The following SMYD3 variants were observed in gnomAD, a reference collection of about 807,000 sequenced individuals.
SMYD3 encodes SET and MYND domain containing 3.
A neutral mutation model predicts 57.7 loss-of-function variants in SMYD3; 36 were observed. The ratio of observed to expected loss-of-function variants is 0.62; its 90% CI spans 0.48 to 0.82. SMYD3 has a LOEUF of 0.82. SMYD3 is among the 40% of genes least tolerant of loss of function. The pLI is 0.00. For synonymous variants in SMYD3, 211 were observed against 195.0 expected, an observed-to-expected ratio of 1.08 and a Z score of -0.68; for missense variants, 515 against 538.8, an observed-to-expected ratio of 0.96 and a Z score of 0.44.
At chr1:246,445,772 G>A (rs1440761377) in intron 1 of SMYD3, among the ~76,000 whole-genome samples, 1 of 151,198 alleles carries the variant, frequency 6.6e-6, no homozygotes. Flanking sequence ...TAATGTGCCT[G>A]AATGACTTAG....
chr1:245,935,386 C>A (rs1026174902), intron 5 of SMYD3, among the ~76,000 whole-genome samples: 2 of 152,104 alleles, frequency 1.3e-5, no homozygotes, highest in Admixed American at 6.5e-5. Flanking sequence ...CCTGTTTCAT[C>A]AAAAAGATGA....
chr1:246,464,574 C>T (rs2067854799), intron 1 of SMYD3, among the ~76,000 whole-genome samples: 1 of 152,116 alleles, frequency 6.6e-6, no homozygotes, highest in Non-Finnish European at 1.5e-5. Flanking sequence ...TCCAAGAAGG[C>T]CAAAATACAC....
intron 5 of SMYD3, among the ~76,000 whole-genome samples, chr1:245,950,495 C>T (rs557315749): frequency 6.6e-6 from 1 of 152,292 alleles, no homozygotes; most frequent in South Asian, 2.1e-4. Flanking sequence ...AACGTCTGAC[C>T]ACCCCCTGTT....
intron 3 of SMYD3, among the ~76,000 whole-genome samples, chr1:246,333,158 G>T (rs1008822565): frequency 2.6e-5 from 4 of 152,140 alleles, no homozygotes; most frequent in African/African-American, 9.7e-5. Flanking sequence ...CTTTACCAGT[G>T]GGAGGTCAAA....
chr1:246,237,719 G>A (rs1337469936), intron 5 of SMYD3, among the ~76,000 whole-genome samples: 3 of 152,098 alleles, frequency 2.0e-5, no homozygotes, highest in African/African-American at 7.2e-5. Context: ...TTTGCCACAT[G>A]AATATATACA....
chr1:246,187,229 A>G (rs763295745), intron 5 of SMYD3, among the ~76,000 whole-genome samples: 1 of 151,316 alleles, frequency 6.6e-6, no homozygotes, highest in Non-Finnish European at 1.5e-5. Flanking sequence ...CAGAGCCTGC[A>G]TTGAGCAGAG....
At chr1:246,417,720 G>A (rs1450896903) in intron 1 of SMYD3, among the ~76,000 whole-genome samples, 1 of 152,134 alleles carries the variant, frequency 6.6e-6, no homozygotes, top group East Asian at 1.9e-4. Flanking sequence ...CCAAGCTAGG[G>A]AACAATGGCT....
At chr1:245,879,163 C>T (rs1039179574) in intron 8 of SMYD3, among the ~76,000 whole-genome samples, 3 of 152,146 alleles carry the variant, frequency 2.0e-5, no homozygotes, top group East Asian at 3.9e-4. Context: ...TTGACAGTCG[C>T]TTAGGTTCCC....
At chr1:245,995,973 T>C (rs1172430730) in intron 5 of SMYD3, among the ~76,000 whole-genome samples, 1 of 152,094 alleles carries the variant, frequency 6.6e-6, no homozygotes, top group Non-Finnish European at 1.5e-5. Context: ...ATTGGGCAGA[T>C]GTATAGAAAA....
intron 8 of SMYD3, among the ~76,000 whole-genome samples, chr1:245,904,480 C>G (rs1215717317): frequency 6.6e-6 from 1 of 152,152 alleles, no homozygotes; most frequent in East Asian, 1.9e-4. Context: ...CAGTGCTGTC[C>G]TGTTAGAGGA....
At position 246,273,268 on chromosome 1, in the gene SMYD3, GCCT is replaced by G. The variant is rs1186427766; in HGVS notation, c.531+53930_531+53932del. ...GGGTTCAAGTGATTCTCCTGCCTCG[GCCT>G]CCTGAGCAGCTGGGATTACAGGTGC... On this transcript the variant is annotated intron_variant, in intron 5 of 11. Coordinates refer to ENST00000490107, the MANE Select transcript of SMYD3 (RefSeq NM_001167740.2). Among the ~76,000 whole-genome samples, 7 of 150,914 alleles carry G rather than the reference GCCT, an allele frequency of 4.6e-5. No homozygotes were observed. In the East Asian group the frequency reaches 1.4e-3, roughly 30 times the overall value.
intron 5 of SMYD3, among the ~76,000 whole-genome samples, chr1:246,042,547 C>T (rs980129708): frequency 6.6e-6 from 1 of 152,146 alleles, no homozygotes; most frequent in Non-Finnish European, 1.5e-5. Context: ...GTAAGGACTT[C>T]GCATTATTAG....
At chr1:245,752,275 C>T (rs913425837) in intron 11 of SMYD3, among the ~76,000 whole-genome samples, 5 of 152,208 alleles carry the variant, frequency 3.3e-5, no homozygotes, top group African/African-American at 1.2e-4. Context: ...ACCCTCCGTC[C>T]TGAAAAAGGC....
intron 5 of SMYD3, among the ~76,000 whole-genome samples, chr1:246,023,394 T>C (rs549940943): frequency 8.8e-4 from 134 of 152,298 alleles, no homozygotes; most frequent in Non-Finnish European, 1.7e-3. Context: ...TGTTACTAGA[T>C]TAGAGAATTC....
chr1:245,854,011 C>A (rs1206294640), intron 10 of SMYD3, among the ~76,000 whole-genome samples: 1 of 152,202 alleles, frequency 6.6e-6, no homozygotes, highest in African/African-American at 2.4e-5. Context: ...CTTCATCATT[C>A]TTGTTCTTCT....
intron 1 of SMYD3, among the ~76,000 whole-genome samples, chr1:246,408,663 C>CTTTT (rs5782392): frequency 1.0e-3 from 67 of 65,502 alleles, no homozygotes; most frequent in African/African-American, 2.4e-3. Context: ...AGAAGCAAGT[C>CTTTT]TTTTTTTTTT....
chr1:245,810,286 C>T (rs1303536558), intron 10 of SMYD3, among the ~76,000 whole-genome samples: 2 of 152,202 alleles, frequency 1.3e-5, no homozygotes, highest in African/African-American at 4.8e-5. Flanking sequence ...ACTCATTCTG[C>T]AGCTCAAGTA....
At chr1:245,814,877 CGCACACACGCAT>C (rs1558376224) in intron 10 of SMYD3, among the ~76,000 whole-genome samples, 7 of 151,688 alleles carry the variant, frequency 4.6e-5, no homozygotes, top group African/African-American at 1.5e-4. Flanking sequence ...CACACACGCA[CGCACACACGCAT>C]GCACACACAC....
intron 1 of SMYD3, among the ~76,000 whole-genome samples, chr1:246,378,166 G>T (rs2066310709): frequency 6.6e-6 from 1 of 152,186 alleles, no homozygotes; most frequent in Non-Finnish European, 1.5e-5. Flanking sequence ...GACTGTGTCT[G>T]TATTTCACAA....
Sources: allele counts gnomAD v4.1 joint callset (sites outside exome capture counted in the v4.1 genomes callset), GRCh38; gene constraint gnomAD v4.1.1; transcripts MANE v1.5; gene names NCBI Gene and HGNC (gene_info 2026-07-23, HGNC 2026-07-21).